Variants in RADIL observed in about 807,000 individuals in gnomAD.
RADIL encodes the protein ras-associating and dilute domain-containing protein.
Under a neutral mutation model 97.6 loss-of-function variants are expected in RADIL, and 99 were observed. The ratio of observed to expected loss-of-function variants is 1.01; its 90% CI spans 0.86 to 1.20. RADIL has a LOEUF of 1.20. RADIL is among the 50% of genes most tolerant of loss of function. RADIL has a pLI of 0.00. For synonymous variants in RADIL, 803 were observed against 691.8 expected, an observed-to-expected ratio of 1.16 and a Z score of -2.52; for missense variants, 1,765 against 1,498.9, an observed-to-expected ratio of 1.18 and a Z score of -2.93.
intron 2 of RADIL, among the ~76,000 whole-genome samples, chr7:4,843,804 C>T (rs766658523): frequency 4.7e-5 from 7 of 149,366 alleles, no homozygotes; most frequent in Non-Finnish European, 8.9e-5. Flanking sequence ...CCCAGCTACT[C>T]GGGAGGCTGA....
At chr7:4,850,491 G>A (rs891566387) in intron 2 of RADIL, among the ~76,000 whole-genome samples, 3 of 152,170 alleles carry the variant, frequency 2.0e-5, no homozygotes, top group East Asian at 1.9e-4. Flanking sequence ...ACCTAATTAC[G>A]TGTGCTCCTT....
intron 5 of RADIL, among the ~76,000 whole-genome samples, chr7:4,826,745 CA>C (rs797014912): frequency 9.4e-4 from 121 of 128,576 alleles, no homozygotes; most frequent in Non-Finnish European, 1.3e-3. Flanking sequence ...AAAAAAAAAA[CA>C]AAAAAAAAAA....
rs1784467337 is a variant in RADIL at position 4,880,792 on chromosome 7, A to C, written c.-64-2589T>G. On this transcript the variant is annotated intron_variant, in intron 1 of 14. Coordinates refer to ENST00000399583, the MANE Select transcript of RADIL (RefSeq NM_018059.5). This position sits in a 1 kb window ranked among gnomAD's most constrained non-coding sequence, Gnocchi z 4.5. Reference sequence around the variant, plus strand: ...TAAATACGATACCAAAAACTGGGGAAGCCCCCTCCAGGCAGGAGAAAGCCC... The same window carrying C: ...TAAATACGATACCAAAAACTGGGGACGCCCCCTCCAGGCAGGAGAAAGCCC... 6.6e-6 allele frequency among the ~76,000 whole-genome samples: 1 copy of C among 152,248 alleles called. No individual in the cohort carries two copies. The highest frequency in any genetic ancestry group is 2.1e-4 in the South Asian group (1 of 4,838).
intron 2 of RADIL, chr7:4,861,852 C>CGACCTTCACGTCCCCCACCACCGA: frequency 7.6e-7 from 1 of 1,322,148 alleles, no homozygotes; most frequent in Non-Finnish European, 9.8e-7. Flanking sequence ...CCCACCACCG[C>CGACCTTCACGTCCCCCACCACCGA]GACCTTCGCG....
intron 5 of RADIL, among the ~76,000 whole-genome samples, chr7:4,830,602 G>T (rs1043330149): frequency 2.0e-5 from 3 of 152,156 alleles, no homozygotes; most frequent in Admixed American, 6.5e-5. Flanking sequence ...CATCAGCCAG[G>T]CACAGTGGCT....
rs144262305 is a variant in RADIL, at chr7:4,840,798, C to T, written c.536-4193G>A. On this transcript the variant is annotated intron_variant, in intron 2 of 14. Transcript: ENST00000399583. This position sits in a 1 kb window ranked among gnomAD's most constrained non-coding sequence, Gnocchi z 5.6. ...CCTGGCCAACATGGTGAAACCCCGT[C>T]TGTACTAAAAATACAAAACTTAGCT... Among the ~76,000 whole-genome samples, 3,061 of 152,254 alleles carry T rather than the reference C, an allele frequency of 0.02. 37 individuals carry two copies. The highest frequency in any genetic ancestry group is 0.027 in the Middle Eastern group (8 of 294).
chr7:4,802,246 C>T (rs1336258319), intron 11 of RADIL, among the ~76,000 whole-genome samples: 4 of 152,210 alleles, frequency 2.6e-5, no homozygotes, highest in African/African-American at 9.6e-5. Context: ...AGCCCAGCTT[C>T]CAACCCTTCT....
At chr7:4,863,265 T>C (rs1227752652) in intron 2 of RADIL, among the ~76,000 whole-genome samples, 1 of 152,174 alleles carries the variant, frequency 6.6e-6, no homozygotes, top group Admixed American at 6.5e-5. Context: ...GATGGCATTC[T>C]GTTCTTTCAT....
chr7:4,827,170 G>A (rs1433379677), intron 5 of RADIL, among the ~76,000 whole-genome samples: 2 of 151,274 alleles, frequency 1.3e-5, no homozygotes, highest in African/African-American at 2.4e-5. Context: ...TTCAAGACAA[G>A]CCTGGTCAAC....
At chr7:4,832,839 C>T (rs1016818704) in intron 4 of RADIL, among the ~76,000 whole-genome samples, 15 of 151,574 alleles carry the variant, frequency 9.9e-5, no homozygotes, top group African/African-American at 3.6e-4. Flanking sequence ...GTAGACTAAG[C>T]GTGTATATTT....
rs116013713 is a variant in RADIL, at chr7:4,801,033, T to C, written c.2842+620A>G. On this transcript the variant is annotated intron_variant, in intron 12 of 14. Coordinates refer to ENST00000399583, the MANE Select transcript of RADIL (RefSeq NM_018059.5). ...CTGCGCACACACACTCATGCACACATATACTCACAGCCATGCACACATGTG... is the reference window on the plus strand; with the variant it reads ...CTGCGCACACACACTCATGCACACACATACTCACAGCCATGCACACATGTG... 7.8e-3 allele frequency among the ~76,000 whole-genome samples: 1,190 copies of C among 152,260 alleles called. 14 individuals are homozygous for C. Among genetic ancestry groups the C allele is most frequent in the African/African-American group, 0.028 (1,156 of 41,542 alleles).
chr7:4,808,706 T>A, intron 9 of RADIL: 2 of 835,954 alleles, frequency 2.4e-6, no homozygotes, highest in Non-Finnish European at 2.7e-6. Flanking sequence ...CCACTGCCCC[T>A]CCGTTTCTCC....
intron 2 of RADIL, chr7:4,860,853 C>T: frequency 6.2e-7 from 1 of 1,614,098 alleles, no homozygotes; most frequent in Non-Finnish European, 8.5e-7. Context: ...TGTGGGTATG[C>T]TGGTGTGATG....
chr7:4,797,467 T>A lies in RADIL; in HGVS notation c.*1911A>T, dbSNP rs1263715060. 6.6e-6 allele frequency: 1 copy of A among 152,206 alleles called. No individual in the cohort carries two copies. Among genetic ancestry groups the A allele is most frequent in the Non-Finnish European group, 1.5e-5 (1 of 68,050 alleles). 9.4% of individuals were successfully genotyped at this position (152,206 alleles called of 1,614,324 possible). ...CCCCTTCTCTTTGTGGGAGGAACTG[T>A]TGGTGGCCACCTTTGGAAATGCCTT... On this transcript the variant is annotated 3_prime_UTR_variant, in exon 15 of 15. Transcript: ENST00000399583.
chr7:4,866,583 C>G (rs997074261), intron 2 of RADIL, among the ~76,000 whole-genome samples: 1 of 152,156 alleles, frequency 6.6e-6, no homozygotes, highest in Non-Finnish European at 1.5e-5. Context: ...ATTTAATTGT[C>G]CATTTCACAG....
rs1562430537 is a variant in RADIL, at chr7:4,809,025, T to TCCGACGCCACTGCCCCCCCGC, written c.2140-3310_2140-3309insGCGGGGGGGCAGTGGCGTCGG. 1.3e-4 allele frequency: 47 copies of TCCGACGCCACTGCCCCCCCGC among 372,018 alleles called. 7 individuals carry two copies. In the African/African-American group the frequency reaches 3.0e-3, roughly 24 times the overall value. The allele number at this position is 372,018 out of a possible 1,614,324, so 23.0% of individuals were successfully genotyped here. A position where few individuals can be genotyped will look rare whatever the true frequency, so the allele number is the denominator to read the frequency against. On this transcript the variant is annotated intron_variant, in intron 9 of 14. Coordinates refer to ENST00000399583, the MANE Select transcript of RADIL (RefSeq NM_018059.5). ...CCCTTCCGACGCCACTGCCCCCCCTTGTCCCCTTCCGACGCCACTGCCCCC... is the reference window on the plus strand; with the variant it reads ...CCCTTCCGACGCCACTGCCCCCCCTTCCGACGCCACTGCCCCCCCGCGTCCCCTTCCGACGCCACTGCCCCC...
intron 11 of RADIL, among the ~76,000 whole-genome samples, chr7:4,803,296 G>A (rs1782176576): frequency 8.6e-6 from 1 of 115,928 alleles, no homozygotes; most frequent in Non-Finnish European, 1.7e-5. Flanking sequence ...GGGCACGCTG[G>A]CTGGGTGGCC....
chr7:4,860,902 T>C, intron 2 of RADIL: 2 of 1,614,246 alleles, frequency 1.2e-6, no homozygotes, highest in African/African-American at 1.3e-5. Flanking sequence ...GATTTACTCT[T>C]GGGTCCCATA....
intron 2 of RADIL, chr7:4,862,032 C>T: frequency 2.4e-6 from 1 of 409,014 alleles, no homozygotes; most frequent in Admixed American, 4.2e-5. Context: ...CCAGAACCTA[C>T]CGTACACGCG....
Sources: allele counts gnomAD v4.1 joint callset (sites outside exome capture counted in the v4.1 genomes callset), GRCh38; gene constraint gnomAD v4.1.1; non-coding constraint Gnocchi (gnomAD v3.1); transcripts MANE v1.5; gene names NCBI Gene and HGNC (gene_info 2026-07-23, HGNC 2026-07-21).